CSMD1: variants seen among roughly 807,000 people sequenced by gnomAD.
CSMD1 encodes the protein CUB and sushi domain-containing protein 1.
In CSMD1, 213 loss-of-function variants were observed where a neutral mutation model predicts 417.5. That is an observed-to-expected ratio of 0.51 (90% confidence interval 0.46 to 0.57). The LOEUF is 0.57. Ranked by LOEUF, CSMD1 falls within the 20% of genes least tolerant of loss-of-function variation. The probability of loss-of-function intolerance (pLI) is 0.00; values close to 1 mark genes in which losing one functional copy is unlikely to be tolerated. For synonymous variants in CSMD1, 2,862 were observed against 1,736.8 expected, an observed-to-expected ratio of 1.65 and a Z score of -16.11; for missense variants, 6,923 against 4,529.7, an observed-to-expected ratio of 1.53 and a Z score of -15.17.
At chr8:3,182,896 G>GTA in intron 36 of CSMD1, 2 of 142,160 alleles carry the variant, frequency 1.4e-5, no homozygotes, top group Non-Finnish European at 3.0e-5. Context: ...GTGTGTGTGT[G>GTA]TATTGTTAGT....
chr8:4,016,152 C>A (rs186772839), intron 4 of CSMD1, among the ~76,000 whole-genome samples: 1 of 152,130 alleles, frequency 6.6e-6, no homozygotes. Context: ...GATAGGATTG[C>A]ATAAAAGCAT....
intron 2 of CSMD1, among the ~76,000 whole-genome samples, chr8:4,454,191 G>A (rs1300599403): frequency 6.6e-6 from 1 of 151,934 alleles, no homozygotes; most frequent in Non-Finnish European, 1.5e-5. Context: ...ACCCCATTCT[G>A]CATTAAAACT....
chr8:4,818,029 A>G (rs1023143665), intron 1 of CSMD1, among the ~76,000 whole-genome samples: 2 of 152,218 alleles, frequency 1.3e-5, no homozygotes, highest in Non-Finnish European at 2.9e-5. Flanking sequence ...TCAGCGTCAC[A>G]GTGACCAGCA....
At chr8:4,608,504 T>G (rs145333886) in intron 2 of CSMD1, among the ~76,000 whole-genome samples, 358 of 152,168 alleles carry the variant, frequency 2.4e-3, no homozygotes, top group Non-Finnish European at 3.8e-3. Flanking sequence ...TTATTTGGAG[T>G]GTTTAAATGT....
chr8:4,753,165 T>C (rs767881439), intron 1 of CSMD1, among the ~76,000 whole-genome samples: 3 of 152,204 alleles, frequency 2.0e-5, no homozygotes, highest in African/African-American at 4.8e-5. Flanking sequence ...TCTGAGATCA[T>C]ACATACAGGA....
chr8:4,764,017 C>G (rs1382709481), intron 1 of CSMD1, among the ~76,000 whole-genome samples: 1 of 152,162 alleles, frequency 6.6e-6, no homozygotes. Flanking sequence ...TTAGATCTTA[C>G]AAGAAGCAGC....
chr8:3,633,876 C>T (rs888095994), intron 7 of CSMD1, among the ~76,000 whole-genome samples: 6 of 152,084 alleles, frequency 3.9e-5, no homozygotes, highest in African/African-American at 1.4e-4. Flanking sequence ...AGAGAAGAAA[C>T]CTGACGTATG....
chr8:4,234,226 G>T (rs749455942), intron 3 of CSMD1, among the ~76,000 whole-genome samples: 1 of 152,156 alleles, frequency 6.6e-6, no homozygotes, highest in African/African-American at 2.4e-5. Context: ...GTAAGCGAAG[G>T]CTGCCACCAG....
At chr8:3,157,357 G>T (rs1819599567) in intron 39 of CSMD1, among the ~76,000 whole-genome samples, 1 of 152,106 alleles carries the variant, frequency 6.6e-6, no homozygotes, top group African/African-American at 2.4e-5. Flanking sequence ...AGTTTAGGGA[G>T]TCTCAAGCCA....
chr8:4,804,435 G>T (rs943991545), intron 1 of CSMD1, among the ~76,000 whole-genome samples: 1 of 151,694 alleles, frequency 6.6e-6, no homozygotes, highest in East Asian at 1.9e-4. Context: ...TAAATTGCCA[G>T]TCATATACAG....
rs576866174 is a variant in CSMD1, at chr8:3,250,364, C to G, written c.4154-20133G>C. On this transcript the variant is annotated intron_variant, in intron 26 of 69. Transcript: ENST00000635120. ...GAGAATGATGGTTTCCAGCTTCATC[C>G]CTGTCCCTACAAAGGACATGAACTC... Among the ~76,000 whole-genome samples, 13 of 152,304 alleles carry G rather than the reference C, an allele frequency of 8.5e-5. No individual in the cohort carries two copies. In the East Asian group the frequency reaches 2.3e-3, roughly 27 times the overall value.
At position 4,920,272 on chromosome 8, in the gene CSMD1, C is replaced by G. The variant is rs10098176; in HGVS notation, c.85+74060G>C. Among the ~76,000 whole-genome samples the G allele has an allele frequency of 6.0e-3, 914 of 152,186 alleles. 8 individuals carry two copies. Among genetic ancestry groups the G allele is most frequent in the African/African-American group, 0.021 (859 of 41,518 alleles). ...TAGAAAGTATTATACTTATGACTGG[C>G]TGAAATGAGCGATCCAAGGCAGTTC... On this transcript the variant is annotated intron_variant, in intron 1 of 69. Coordinates refer to ENST00000635120, the MANE Select transcript of CSMD1 (RefSeq NM_033225.6).
chr8:3,214,207 C>A (rs1797767193), intron 30 of CSMD1, among the ~76,000 whole-genome samples: 1 of 151,974 alleles, frequency 6.6e-6, no homozygotes, highest in Non-Finnish European at 1.5e-5. Flanking sequence ...GGCTAATTAG[C>A]ACCTCTTATA....
intron 3 of CSMD1, among the ~76,000 whole-genome samples, chr8:4,128,807 G>A (rs985632368): frequency 6.6e-6 from 1 of 152,098 alleles, no homozygotes; most frequent in Non-Finnish European, 1.5e-5. Flanking sequence ...ATATCCTAGT[G>A]CAAGTAGGGT....
rs1232742314 is a variant in CSMD1, at chr8:4,279,370, G to A, written c.415+140583C>T. Among the ~76,000 whole-genome samples the A allele has an allele frequency of 4.6e-5, 7 of 152,304 alleles. No homozygotes were observed. The South Asian group carries it at 1.2e-3, about 27-fold the overall frequency. On this transcript the variant is annotated intron_variant, in intron 3 of 69. Coordinates refer to ENST00000635120, the MANE Select transcript of CSMD1 (RefSeq NM_033225.6). Reference sequence around the variant, plus strand: ...CAGGTGGCAAACGGACATCTCAACAGAATGTCAAGTATCTTCCTGGATTCT... The same window carrying A: ...CAGGTGGCAAACGGACATCTCAACAAAATGTCAAGTATCTTCCTGGATTCT...
chr8:4,151,759 C>T (rs945233059), intron 3 of CSMD1, among the ~76,000 whole-genome samples: 2 of 152,162 alleles, frequency 1.3e-5, no homozygotes, highest in African/African-American at 4.8e-5. Flanking sequence ...TAGCTTTTTC[C>T]TAGTGCCACA....
chr8:3,897,708 G>A (rs528222549), intron 5 of CSMD1, among the ~76,000 whole-genome samples: 36 of 152,078 alleles, frequency 2.4e-4, no homozygotes, highest in South Asian at 2.1e-3. Context: ...CCATAATCCC[G>A]TGAGGAAGCC....
At chr8:4,149,968 T>C (rs1341898765) in intron 3 of CSMD1, among the ~76,000 whole-genome samples, 1 of 152,230 alleles carries the variant, frequency 6.6e-6, no homozygotes, top group East Asian at 1.9e-4. Flanking sequence ...GTACACAAAG[T>C]TCAGCACTGT....
chr8:2,992,957 T>C (rs776373129), intron 54 of CSMD1, among the ~76,000 whole-genome samples: 2 of 151,444 alleles, frequency 1.3e-5, no homozygotes, highest in Non-Finnish European at 2.9e-5. Context: ...GGTCTCAAAC[T>C]CCTGGACTCA....
Sources: allele counts gnomAD v4.1 joint callset (sites outside exome capture counted in the v4.1 genomes callset), GRCh38; gene constraint gnomAD v4.1.1; transcripts MANE v1.5; gene names NCBI Gene and HGNC (gene_info 2026-07-23, HGNC 2026-07-21).